The following DBP variants were observed in gnomAD, a reference collection of about 807,000 sequenced individuals.
The protein encoded by DBP is D-box binding PAR bZIP transcription factor, also known as D site-binding protein.
Under a neutral mutation model 21.4 loss-of-function variants are expected in DBP, and 12 were observed. The ratio of observed to expected loss-of-function variants is 0.56; its 90% CI spans 0.36 to 0.91. DBP has a LOEUF of 0.91. Ranked by LOEUF, DBP falls within the 40% of genes least tolerant of loss-of-function variation. DBP has a pLI of 0.01. For missense variants in DBP, 423 were observed against 473.4 expected (o/e 0.89, Z 0.99); for synonymous variants, 213 against 224.9 (o/e 0.95, Z 0.47).
In DBP at chr19:48,633,496, G is replaced by A; in HGVS notation, c.710C>T (p.Pro237Leu). The change falls in exon 3 of 4, where the codon CCC becomes CTC. Residue 237 changes from proline (P) to leucine (L), a missense_variant. Transcript: ENST00000222122. The part of the protein sequence containing the change: ...RHRFSEEELK[P>L]QPIMKKARKI... ...TCTTGCCTTCTTCATGATTGGCTGG[G>A]GCTTAAGTTCCTCTTCTGAGAAGCG... The A allele has an allele frequency of 2.5e-6, 4 of 1,614,114 alleles. No homozygotes were observed. Among genetic ancestry groups the A allele is most frequent in the Non-Finnish European group, 3.4e-6 (4 of 1,180,028 alleles).
intron 2 of DBP, chr19:48,634,859 A>G: frequency 7.1e-6 from 7 of 985,690 alleles, no homozygotes; most frequent in Non-Finnish European, 8.4e-6. Flanking sequence ...CCAGTCACTT[A>G]GTTCCACTCA....
chr19:48,637,016 C>T lies in DBP; in HGVS notation c.-22G>A. Reference sequence around the variant, plus strand: ...CCATCGCCTGGCACCTGCCCCCAGGCTCACGGGTTCATGGAGAGGCGAAGG... The same window carrying T: ...CCATCGCCTGGCACCTGCCCCCAGGTTCACGGGTTCATGGAGAGGCGAAGG... On this transcript the variant is annotated 5_prime_UTR_variant, in exon 1 of 4. Transcript: ENST00000222122. The T allele has an allele frequency of 6.8e-7, 1 of 1,473,994 alleles. No individual in the cohort carries two copies. Among genetic ancestry groups the T allele is most frequent in the Non-Finnish European group, 9.0e-7 (1 of 1,117,290 alleles). 91.3% of individuals were successfully genotyped at this position (1,473,994 alleles called of 1,614,324 possible).
Position 48,630,234 on chromosome 19 carries a change from G to A in DBP, c.*603C>T. The A allele has an allele frequency of 2.3e-6, 3 of 1,279,480 alleles. No homozygotes were observed. In the African/African-American group the frequency reaches 4.6e-5, roughly 20 times the overall value. The allele number at this position is 1,279,480 out of a possible 1,614,324, so 79.3% of individuals were successfully genotyped here. On this transcript the variant is annotated 3_prime_UTR_variant, in exon 4 of 4. Coordinates refer to ENST00000222122, the MANE Select transcript of DBP (RefSeq NM_001352.5). The surrounding 1 kb of genome is among the most constrained non-coding windows in gnomAD (Gnocchi z 4.9). ...CCATTTAGCTGGCCAATCAGCCCAG[G>A]AGGGGCAGGTTCCCCGGGGCCGGCG...
intron 3 of DBP, chr19:48,633,224 C>T (rs917688880): frequency 1.6e-6 from 1 of 627,910 alleles, no homozygotes; most frequent in Non-Finnish European, 2.8e-6. Context: ...TGGGATTACA[C>T]GAGTGAGGCC....
At chr19:48,636,738 T>C in intron 1 of DBP, 118 bp downstream of exon 1, 1 of 1,258,010 alleles carries the variant, frequency 7.9e-7, no homozygotes, top group Admixed American at 2.4e-5. Flanking sequence ...ATTGAGTAGA[T>C]TAAGGTTGGG....
In DBP at chr19:48,635,648, G is replaced by T; in HGVS notation, c.482C>A (p.Ser161Tyr). 1.6e-5 allele frequency: 21 copies of T among 1,316,844 alleles called. No individual in the cohort carries two copies. Among genetic ancestry groups the T allele is most frequent in the South Asian group, 2.2e-5 (1 of 46,226 alleles). The allele number at this position is 1,316,844 out of a possible 1,614,324, so 81.6% of individuals were successfully genotyped here. The change falls in exon 2 of 4, where the codon TCC (serine) becomes TAC (tyrosine). Residue 161 changes from serine (S) to tyrosine (Y), a missense_variant. By Grantham distance (144) the Ser-to-Tyr change is moderately radical (BLOSUM62 -2). Coordinates refer to ENST00000222122, the MANE Select transcript of DBP (RefSeq NM_001352.5). ...SPGPGSCGSA[S>Y]PRSSPGHAPA... The stretch of plus-strand genomic sequence containing the variant: ...GGCGTGCCCAGGAGAGGAGCGGGGG[G>T]AAGCCGAGCCGCACGAACCCGGCCC...
rs780543551 is a variant in DBP at position 48,635,935 on chromosome 19, C to T, written c.195G>A (p.Gly65=). ...KAALPAATTP[G]PGLETAGPAD... Reference sequence around the variant, plus strand: ...CCGGGCCCGCAGTCTCCAGGCCTGGCCCAGGGGTTGTGGCTGCAGGCAGGG... The same window carrying T: ...CCGGGCCCGCAGTCTCCAGGCCTGGTCCAGGGGTTGTGGCTGCAGGCAGGG... The change falls in exon 2 of 4, where the codon GGG becomes GGA. Residue 65 remains glycine (G), a synonymous_variant. Coordinates refer to ENST00000222122, the MANE Select transcript of DBP (RefSeq NM_001352.5). 3.3e-6 allele frequency: 5 copies of T among 1,524,958 alleles called. No homozygotes were observed. In the Admixed American group the frequency reaches 7.8e-5, roughly 24 times the overall value. The allele number at this position is 1,524,958 out of a possible 1,614,324, so 94.5% of individuals were successfully genotyped here.
At chr19:48,632,596 A>G (rs538360183) in intron 3 of DBP, 2 of 152,354 alleles carry the variant, frequency 1.3e-5, no homozygotes, top group African/African-American at 4.8e-5. Flanking sequence ...CAGAAGCCCA[A>G]GCAACTCTTG....
intron 1 of DBP, 51 bp downstream of exon 1, chr19:48,636,805 C>A (rs755508163): frequency 1.9e-6 from 3 of 1,597,782 alleles, no homozygotes; most frequent in South Asian, 1.1e-5. Flanking sequence ...GCACCTGAGT[C>A]CCTAAGGGGG....
chr19:48,635,605 G>A lies in DBP; in HGVS notation c.525C>T (p.Leu175=), dbSNP rs1162944001. Residue 175 remains leucine (L), a synonymous_variant, in exon 2 of 4, where the codon CTC becomes CTT. Transcript: ENST00000222122. ...CTGCGCGGTGGCCGCTGGCGGTCCC[G>A]AGGGCAGCCCGGGCGGGGGCGTGCC... is the stretch of plus-strand genomic sequence containing the variant. ...SPGHAPARAA[L]GTASGHRAGL... The A allele has an allele frequency of 2.6e-5, 35 of 1,354,714 alleles. No homozygotes were observed. The highest frequency in any genetic ancestry group is 2.5e-4 in the South Asian group (14 of 55,624). The allele number at this position is 1,354,714 out of a possible 1,614,324, so 83.9% of individuals were successfully genotyped here.
chr19:48,633,976 G>A (rs577057849), intron 2 of DBP: 4 of 353,632 alleles, frequency 1.1e-5, no homozygotes, highest in Non-Finnish European at 1.6e-5. Context: ...GGCGGGTGCC[G>A]GTAAGCCCAG....
At chr19:48,633,391 G>A (rs2030666991) in intron 3 of DBP, 53 bp downstream of exon 3, 1 of 1,554,810 alleles carries the variant, frequency 6.4e-7, no homozygotes, top group Non-Finnish European at 8.9e-7. Context: ...CCCCTCCCTG[G>A]CTGTGGGGCA....
At position 48,630,290 on chromosome 19, in the gene DBP, C is replaced by T; in HGVS notation, c.*547G>A. Reference sequence around the variant, plus strand: ...ATTTGCACTAATGTTCCTCTCCCCGCGGGTGGGGGCGGGGAAATTCATATC... The same window carrying T: ...ATTTGCACTAATGTTCCTCTCCCCGTGGGTGGGGGCGGGGAAATTCATATC... On this transcript the variant is annotated 3_prime_UTR_variant, in exon 4 of 4. Transcript: ENST00000222122. This position sits in a 1 kb window ranked among gnomAD's most constrained non-coding sequence, Gnocchi z 4.9. The T allele has an allele frequency of 5.4e-6, 7 of 1,287,236 alleles. No individual in the cohort carries two copies. Among genetic ancestry groups the T allele is most frequent in the Non-Finnish European group, 6.9e-6 (7 of 1,017,960 alleles). 79.7% of individuals were successfully genotyped at this position (1,287,236 alleles called of 1,614,324 possible). A position where few individuals can be genotyped will look rare whatever the true frequency, so the allele number is the denominator to read the frequency against.
intron 1 of DBP, 25 bp downstream of exon 1, chr19:48,636,831 G>C: frequency 6.2e-7 from 1 of 1,609,934 alleles, no homozygotes; most frequent in South Asian, 1.1e-5. Flanking sequence ...TGTCCGAAGT[G>C]GGTGAGATGG....
At position 48,633,101 on chromosome 19, in the gene DBP, CT is replaced by C. The variant is rs563424383; in HGVS notation, c.762+342del. 1.6e-4 allele frequency: 81 copies of C among 521,394 alleles called. No individual in the cohort carries two copies. In the South Asian group the frequency reaches 1.7e-3, roughly 11 times the overall value. The allele number at this position is 521,394 out of a possible 1,614,324, so 32.3% of individuals were successfully genotyped here. A position where few individuals can be genotyped will look rare whatever the true frequency, so the allele number is the denominator to read the frequency against. On this transcript the variant is annotated intron_variant, in intron 3 of 3. Coordinates refer to ENST00000222122, the MANE Select transcript of DBP (RefSeq NM_001352.5). ...CTCAATCTCCCAGGCACAAGCAGTC[CT>C]CCCACCTCAGCCTCCCAAGTGGCTT...
chr19:48,633,982 C>A, intron 2 of DBP: 1 of 348,054 alleles, frequency 2.9e-6, no homozygotes, highest in Non-Finnish European at 5.4e-6. Context: ...TGCCGGTAAG[C>A]CCAGCTACTA....
chr19:48,637,110 A>G lies in DBP; in HGVS notation c.-116T>C. 1.1e-6 allele frequency: 1 copy of G among 947,500 alleles called. No homozygotes were observed. The highest frequency in any genetic ancestry group is 1.5e-6 in the Non-Finnish European group (1 of 667,528). The allele number at this position is 947,500 out of a possible 1,614,324, so 58.7% of individuals were successfully genotyped here. On this transcript the variant is annotated 5_prime_UTR_variant, in exon 1 of 4. Transcript: ENST00000222122. The stretch of plus-strand genomic sequence containing the variant: ...TGTCTGCCCAGGGGCGGGCGAGTGT[A>G]GCCTGCAACCCTCCAGTATCCAGAA...
chr19:48,634,625 C>G, intron 2 of DBP: 6 of 911,338 alleles, frequency 6.6e-6, no homozygotes, highest in Non-Finnish European at 7.6e-6. Context: ...GGCGCCCTCA[C>G]GTTCCCCCGG....
At chr19:48,633,696 G>C in intron 2 of DBP, 41 bp from the exon 3 acceptor site, 1 of 1,563,468 alleles carries the variant, frequency 6.4e-7, no homozygotes, top group Non-Finnish European at 8.8e-7. Flanking sequence ...TGTATTTTAA[G>C]GAGGGGGTTT....
Sources: gnomAD v4.1 joint callset for allele counts on GRCh38, gnomAD v4.1.1 for gene constraint, Gnocchi (gnomAD v3.1) non-coding constraint, MANE v1.5 for transcripts, NCBI Gene and HGNC (gene_info 2026-07-23, HGNC 2026-07-21) for gene names.